KNTC1: variants seen among roughly 807,000 people sequenced by gnomAD.
KNTC1 encodes the protein kinetochore associated 1.
A neutral mutation model predicts 314.4 loss-of-function variants in KNTC1; 253 were observed. The ratio of observed to expected loss-of-function variants is 0.80; its 90% CI spans 0.73 to 0.89. The LOEUF (loss-of-function observed/expected upper bound fraction) is 0.89, where lower values mean the gene tolerates loss of function less well. KNTC1 is among the 40% of genes least tolerant of loss of function. The pLI, the probability that KNTC1 is intolerant of heterozygous loss-of-function variation, is 0.00. For missense variants in KNTC1, 2,475 were observed against 2,572.9 expected (o/e 0.96, Z 0.82); for synonymous variants, 901 against 901.4 (o/e 1.00, Z 0.01).
chr12:122,546,783 A>G (rs78620163), intron 10 of KNTC1, 109 bp downstream of exon 10: 57,689 of 620,016 alleles, frequency 0.093, 3,157 homozygotes, highest in Middle Eastern at 0.13. Flanking sequence ...TATCTTGTGT[A>G]CTGTGCTTTT....
At chr12:122,612,370 A>G (rs191473236) in intron 53 of KNTC1, among the ~76,000 whole-genome samples, 2 of 148,860 alleles carry the variant, frequency 1.3e-5, no homozygotes, top group East Asian at 4.1e-4. Context: ...CCAGCCCATC[A>G]AGAACATTAA....
chr12:122,624,092 TG>T (rs1874740405), intron 62 of KNTC1, among the ~76,000 whole-genome samples: 1 of 151,872 alleles, frequency 6.6e-6, no homozygotes, highest in African/African-American at 2.4e-5. Context: ...AAAAGAACAA[TG>T]TGTAACATGT....
In KNTC1 at chr12:122,591,347, T is replaced by C. The variant is rs1451398366; in HGVS notation, c.4139T>C (p.Leu1380Pro). Residue 1380 changes from leucine to proline, a missense_variant, in exon 42 of 64, where the codon CTG becomes CCG. Transcript: ENST00000333479. Reference protein sequence around the residue: ...QNYDKILAISLVGSELASLYQ... With the variant: ...QNYDKILAISPVGSELASLYQ... ...CTTTTAATTTTTTAGGCAATATCTC[T>C]GGTGGGCTCTGAGCTGGCAAGTCTC... 48 of 1,593,088 alleles carry C rather than the reference T, an allele frequency of 3.0e-5. No individual in the cohort carries two copies. Among genetic ancestry groups the C allele is most frequent in the Non-Finnish European group, 4.0e-5 (46 of 1,161,054 alleles).
At chr12:122,603,300 C>A in intron 48 of KNTC1, 57 bp downstream of exon 48, 1 of 1,154,156 alleles carries the variant, frequency 8.7e-7, no homozygotes. Context: ...ACTCTTTTTG[C>A]ATCTTTAAGG....
rs777171491 is a variant in KNTC1, at chr12:122,584,260, ACTTT to A, written c.3264-10_3264-7del. ...CAATGTGAGTATTCTAACTACCAAT[ACTTT>A]CTTTCTTCCAAAGCGACTTGTTTAA... On this transcript the variant is annotated splice_polypyrimidine_tract_variant and intron_variant, in intron 34 of 63. Transcript: ENST00000333479. 1.8e-5 allele frequency: 28 copies of A among 1,587,644 alleles called. No homozygotes were observed. Among genetic ancestry groups the A allele is most frequent in the South Asian group, 1.4e-4 (12 of 88,626 alleles).
intron 20 of KNTC1, among the ~76,000 whole-genome samples, chr12:122,565,807 C>G (rs1193652444): frequency 6.6e-6 from 1 of 152,058 alleles, no homozygotes; most frequent in African/African-American, 2.4e-5. Context: ...ATCACCTGAG[C>G]CTGGGAGGTC....
At chr12:122,570,512 CAAAA>C (rs572070934) in intron 22 of KNTC1, among the ~76,000 whole-genome samples, 1 of 102,334 alleles carries the variant, frequency 9.8e-6, no homozygotes. Flanking sequence ...AACCCTGTCT[CAAAA>C]AAAAAAAAAA....
chr12:122,596,876 T>A (rs1871124217), intron 43 of KNTC1, among the ~76,000 whole-genome samples: 1 of 152,172 alleles, frequency 6.6e-6, no homozygotes, highest in African/African-American at 2.4e-5. Context: ...TTTGTTTTGT[T>A]GATCCTTGGT....
rs1183685230 is a variant in KNTC1, at chr12:122,547,615, T to G, written c.932+85T>G. On this transcript the variant is annotated intron_variant, in intron 11 of 63. Coordinates refer to ENST00000333479, the MANE Select transcript of KNTC1 (RefSeq NM_014708.6). Reference sequence around the variant, plus strand: ...GGTTTTGTTCAGGTCATTTATTATGTTTTACATTCTAAACAACACTGTGAA... The same window carrying G: ...GGTTTTGTTCAGGTCATTTATTATGGTTTACATTCTAAACAACACTGTGAA... The G allele has an allele frequency of 1.1e-5, 10 of 881,372 alleles. No homozygotes were observed. In the African/African-American group the frequency reaches 1.5e-4, roughly 13 times the overall value. The allele number at this position is 881,372 out of a possible 1,614,324, so 54.6% of individuals were successfully genotyped here. A position where few individuals can be genotyped will look rare whatever the true frequency, so the allele number is the denominator to read the frequency against.
chr12:122,560,468 G>A (rs1404572597), intron 18 of KNTC1, among the ~76,000 whole-genome samples: 3 of 152,040 alleles, frequency 2.0e-5, no homozygotes, highest in African/African-American at 7.2e-5. Context: ...CACCCCCCAG[G>A]CTCAAGTGAT....
chr12:122,577,562 G>T (rs1965111277), intron 30 of KNTC1, 110 bp from the exon 31 acceptor site: 1 of 1,091,480 alleles, frequency 9.2e-7, no homozygotes, highest in African/African-American at 1.6e-5. Context: ...ACCATAATCT[G>T]TTTTTCCAAA....
intron 10 of KNTC1, 113 bp downstream of exon 10, chr12:122,546,787 T>C: frequency 1.7e-6 from 1 of 603,838 alleles, no homozygotes. Context: ...TTGTGTACTG[T>C]GCTTTTTTTC....
chr12:122,621,435 T>A (rs1033460182), intron 60 of KNTC1, among the ~76,000 whole-genome samples: 1 of 152,124 alleles, frequency 6.6e-6, no homozygotes, highest in African/African-American at 2.4e-5. Context: ...CACTGCAGCC[T>A]CCCTCCCGGG....
At chr12:122,571,247 CT>C (rs1190473840) in intron 24 of KNTC1, 121 bp downstream of exon 24, 91 of 644,602 alleles carry the variant, frequency 1.4e-4, no homozygotes, top group South Asian at 5.4e-4. Context: ...TTTTTTGTGC[CT>C]TTTTTTTGTT....
chr12:122,600,667 CCTT>C (rs1327770087), intron 44 of KNTC1, among the ~76,000 whole-genome samples: 6 of 151,228 alleles, frequency 4.0e-5, no homozygotes, highest in African/African-American at 1.5e-4. Flanking sequence ...TTAAGAGCTT[CCTT>C]CTTTTTTTTT....
At chr12:122,616,054 G>A (rs1303288925) in intron 57 of KNTC1, among the ~76,000 whole-genome samples, 1 of 152,040 alleles carries the variant, frequency 6.6e-6, no homozygotes, top group African/African-American at 2.4e-5. Context: ...ACCCTGGCTT[G>A]TTCATCTTTT....
intron 13 of KNTC1, 70 bp downstream of exon 13, chr12:122,549,934 G>T: frequency 1.2e-6 from 1 of 818,502 alleles, no homozygotes; most frequent in South Asian, 1.6e-5. Context: ...AATCAGGGAT[G>T]ATTAAAAGCC....
intron 8 of KNTC1, 118 bp downstream of exon 8, chr12:122,544,387 T>C: frequency 1.7e-6 from 1 of 578,382 alleles, no homozygotes; most frequent in Non-Finnish European, 3.0e-6. Context: ...AAGGAAATTA[T>C]AAAATTAAGG....
At position 122,575,072 on chromosome 12, in the gene KNTC1, G is replaced by A. The variant is rs559167934; in HGVS notation, c.2383-471G>A. On this transcript the variant is annotated intron_variant, in intron 27 of 63. Transcript: ENST00000333479. ...GCTCAGGAATTTGAGACCTGCCTGG[G>A]CAACATGGTGGAACCGCATCTCTAC... 2.6e-5 allele frequency among the ~76,000 whole-genome samples: 4 copies of A among 152,258 alleles called. No individual in the cohort carries two copies. In the East Asian group the frequency reaches 7.7e-4, roughly 29 times the overall value.
Sources: allele counts gnomAD v4.1 joint callset (sites outside exome capture counted in the v4.1 genomes callset), GRCh38; gene constraint gnomAD v4.1.1; transcripts MANE v1.5; gene names NCBI Gene and HGNC (gene_info 2026-07-23, HGNC 2026-07-21).